SLC12A1: variants seen among roughly 807,000 people sequenced by gnomAD.
The protein encoded by SLC12A1 is Na-K-2Cl cotransporter.
A neutral mutation model predicts 130.4 loss-of-function variants in SLC12A1; 89 were observed. The ratio of observed to expected loss-of-function variants is 0.68; its 90% confidence interval spans 0.58 to 0.81. The LOEUF (loss-of-function observed/expected upper bound fraction) is 0.81. Among genes scored for constraint, SLC12A1 ranks in the 40% least tolerant of loss-of-function variants. The pLI is 0.00. For missense variants in SLC12A1, 1,310 were observed against 1,336.4 expected (o/e 0.98, Z 0.31); for synonymous variants, 499 against 460.0 (o/e 1.08, Z -1.09).
At chr15:48,209,628 T>C (rs1388069489) in intron 2 of SLC12A1, among the ~76,000 whole-genome samples, 1 of 152,208 alleles carries the variant, frequency 6.6e-6, no homozygotes, top group Non-Finnish European at 1.5e-5. Flanking sequence ...TTTTAAATGA[T>C]CATCCACACC....
intron 2 of SLC12A1, among the ~76,000 whole-genome samples, chr15:48,213,934 A>C (rs1358992221): frequency 6.6e-6 from 1 of 152,214 alleles, no homozygotes; most frequent in East Asian, 1.9e-4. Flanking sequence ...ATATACATTA[A>C]ATGCTTATCT....
chr15:48,240,052 T>TATCC (rs1555466574), intron 9 of SLC12A1, among the ~76,000 whole-genome samples: 8,118 of 32,798 alleles, frequency 0.25, 1,465 homozygotes, highest in Non-Finnish European at 0.38. Context: ...TATATATCCA[T>TATCC]ATATATATAT....
chr15:48,275,078 A>G (rs750365024), intron 20 of SLC12A1, among the ~76,000 whole-genome samples: 4 of 152,210 alleles, frequency 2.6e-5, no homozygotes, highest in Admixed American at 6.5e-5. Context: ...GCCTGAATGT[A>G]TCATGCTGTG....
At chr15:48,249,768 GT>G in intron 14 of SLC12A1, 92 bp downstream of exon 14, 2 of 930,208 alleles carry the variant, frequency 2.2e-6, no homozygotes, top group Non-Finnish European at 3.5e-6. Context: ...TTCAATCTGT[GT>G]TTATATGTTT....
At chr15:48,219,309 C>T (rs1393420481) in intron 2 of SLC12A1, among the ~76,000 whole-genome samples, 1 of 152,114 alleles carries the variant, frequency 6.6e-6, no homozygotes, top group African/African-American at 2.4e-5. Flanking sequence ...CTTTGGGAGG[C>T]CAAGGTGGGC....
At position 48,255,830 on chromosome 15, in the gene SLC12A1, C is replaced by G. The variant is rs750356219; in HGVS notation, c.1962C>G (p.Ser654=). 3 of 1,607,170 alleles carry G rather than the reference C, an allele frequency of 1.9e-6. No individual in the cohort carries two copies. The change falls in exon 16 of 27, where the codon TCC becomes TCG. Residue 654 remains serine, a synonymous_variant. Transcript: ENST00000380993. ...CCACAGATGTGAACTGGGGCTCCTCCACACAGGCTCTTTCCTACGTGAGTG... is the reference window on the plus strand; with the variant it reads ...CCACAGATGTGAACTGGGGCTCCTCGACACAGGCTCTTTCCTACGTGAGTG... ...CKKPDVNWGS[S]TQALSYVSAL... is the part of the protein sequence containing the mutation.
intron 22 of SLC12A1, 64 bp from the exon 23 acceptor site, chr15:48,288,341 T>G: frequency 2.8e-6 from 3 of 1,084,624 alleles, no homozygotes; most frequent in Non-Finnish European, 4.1e-6. Context: ...AATAAAGATA[T>G]AAAGCTATTC....
intron 23 of SLC12A1, among the ~76,000 whole-genome samples, chr15:48,291,107 A>T (rs1181032038): frequency 6.6e-6 from 1 of 151,942 alleles, no homozygotes; most frequent in Non-Finnish European, 1.5e-5. Flanking sequence ...ATAAATATAA[A>T]GAGAGAGAAA....
intron 24 of SLC12A1, among the ~76,000 whole-genome samples, chr15:48,298,638 C>T (rs1053568312): frequency 2.2e-4 from 34 of 152,210 alleles, no homozygotes; most frequent in African/African-American, 8.0e-4. Context: ...TCCTACCTGC[C>T]CGCGGCCTCC....
In SLC12A1 at chr15:48,207,816, A is replaced by T; in HGVS notation, c.97A>T (p.Ser33Cys). The T allele has an allele frequency of 2.5e-6, 4 of 1,614,018 alleles. No homozygotes were observed. The highest frequency in any genetic ancestry group is 3.4e-6 in the Non-Finnish European group (4 of 1,179,886). The change falls in exon 2 of 27, where the codon AGT becomes TGT. Residue 33 changes from serine to cysteine, a missense_variant. Physicochemically the swap from Ser to Cys is moderately radical, Grantham distance 112. Transcript: ENST00000380993. ...TGTCATAAATGAGAACCATGAGAGC[A>T]GTGCAGCTGCAGATGACAATACTGA... ...VSVINENHESSAAADDNTDPP... is the reference protein window; with the variant it reads ...VSVINENHESCAAADDNTDPP...
intron 20 of SLC12A1, among the ~76,000 whole-genome samples, chr15:48,282,425 G>A (rs1233803683): frequency 6.6e-6 from 1 of 151,992 alleles, no homozygotes; most frequent in Non-Finnish European, 1.5e-5. Flanking sequence ...TTCCCTCTTT[G>A]TCCAAACTAG....
intron 5 of SLC12A1, chr15:48,227,037 C>G (rs2041298014): frequency 1.5e-6 from 2 of 1,344,458 alleles, no homozygotes; most frequent in Admixed American, 2.0e-5. Context: ...GGTGACTTCT[C>G]TCAGTACTGG....
Position 48,247,342 on chromosome 15 carries a change from GT to G in SLC12A1, c.1567del (p.Cys523AlafsTer23), listed in dbSNP as rs769802270. The G allele has an allele frequency of 6.2e-7, 1 of 1,612,376 alleles. No homozygotes were observed. The highest frequency in any genetic ancestry group is 8.5e-7 in the Non-Finnish European group (1 of 1,179,550). On this transcript the variant is annotated frameshift_variant, in exon 13 of 27. Transcript: ENST00000380993. LOFTEE classifies it high-confidence loss of function. Reference sequence around the variant, plus strand: ...CTTCTCTTCTTTTCCATTAGGCTCTGTGCAAGGACAACATCTACAAAGCCCT... The same window carrying G: ...CTTCTCTTCTTTTCCATTAGGCTCTGGCAAGGACAACATCTACAAAGCCCT... ...VSAPKVFQAL[C>X]KDNIYKALQF...
chr15:48,255,318 G>C (rs369264319), intron 15 of SLC12A1, among the ~76,000 whole-genome samples: 1 of 151,954 alleles, frequency 6.6e-6, no homozygotes, highest in African/African-American at 2.4e-5. Flanking sequence ...GGTGCCTGTA[G>C]TCACAGCTAC....
At chr15:48,226,360 T>C (rs1033550364) in intron 4 of SLC12A1, 116 bp from the exon 5 acceptor site, 10 of 623,354 alleles carry the variant, frequency 1.6e-5, no homozygotes, top group Non-Finnish European at 2.8e-5. Flanking sequence ...AGAAACCCCG[T>C]TGGAGCCCGA....
At chr15:48,223,201 T>C (rs1278476990) in intron 4 of SLC12A1, 1 of 152,196 alleles carries the variant, frequency 6.6e-6, no homozygotes, top group African/African-American at 2.4e-5. Flanking sequence ...CAAGTTGAAA[T>C]AGGCTGAGGG....
At position 48,237,026 on chromosome 15, in the gene SLC12A1, G is replaced by T. The variant is rs1182141807; in HGVS notation, c.1215+2022G>T. ...AGGAGCTTCACCTCTCCCTCAAGGA[G>T]CTCAGAGTCGAAGGAGGAGACAGAC... On this transcript the variant is annotated intron_variant, in intron 9 of 26. Coordinates refer to ENST00000380993, the MANE Select transcript of SLC12A1 (RefSeq NM_000338.3). 3 of 702,668 alleles carry T rather than the reference G, an allele frequency of 4.3e-6. No individual in the cohort carries two copies. The East Asian group carries it at 8.1e-5, about 19-fold the overall frequency. The allele number at this position is 702,668 out of a possible 1,614,324, so 43.5% of individuals were successfully genotyped here.
At chr15:48,241,139 C>T (rs1269434899) in intron 9 of SLC12A1, among the ~76,000 whole-genome samples, 1 of 152,076 alleles carries the variant, frequency 6.6e-6, no homozygotes. Context: ...TATCCACATG[C>T]CAGATATGTT....
chr15:48,262,276 TTGAAGTA>T (rs2041783019), intron 17 of SLC12A1, among the ~76,000 whole-genome samples: 2 of 152,142 alleles, frequency 1.3e-5, no homozygotes, highest in African/African-American at 4.8e-5. Flanking sequence ...CCTGCAGCTA[TTGAAGTA>T]CTTGCTTTAA....
Sources: allele counts gnomAD v4.1 joint callset (sites outside exome capture counted in the v4.1 genomes callset), GRCh38; gene constraint gnomAD v4.1.1; transcripts MANE v1.5; gene names NCBI Gene and HGNC (gene_info 2026-07-23, HGNC 2026-07-21).